Variants in LRRC7 observed in about 807,000 individuals in gnomAD.
LRRC7 encodes the protein leucine rich repeat containing 7, also known as leucine-rich repeat-containing protein 7.
LRRC7 carries 23 observed loss-of-function variants against 175.7 expected under a neutral mutation model. That is an observed-to-expected ratio of 0.13 (90% CI 0.09 to 0.19). The LOEUF is 0.19. LRRC7 is among the 10% of genes least tolerant of loss of function. The pLI is 1.00. For missense variants in LRRC7, 1,354 were observed against 1,904.7 expected, an observed-to-expected ratio of 0.71 and a Z score of 5.38; for synonymous variants, 685 against 680.9, an observed-to-expected ratio of 1.01 and a Z score of -0.09.
chr1:69,996,693 A>G (rs1367458547), intron 11 of LRRC7, among the ~76,000 whole-genome samples: 1 of 152,098 alleles, frequency 6.6e-6, no homozygotes. Context: ...AGGTTTGTCA[A>G]AGATCAGATA....
chr1:69,614,124 T>C (rs1304461468), intron 1 of LRRC7, among the ~76,000 whole-genome samples: 2 of 152,070 alleles, frequency 1.3e-5, no homozygotes, highest in Non-Finnish European at 2.9e-5. Flanking sequence ...TTTCATTTCA[T>C]GTTCATTAAG....
At chr1:69,955,892 C>T (rs1650440171) in intron 8 of LRRC7, among the ~76,000 whole-genome samples, 1 of 151,870 alleles carries the variant, frequency 6.6e-6, no homozygotes, top group African/African-American at 2.4e-5. Flanking sequence ...ACAAAATCAA[C>T]ACAGTATCAT....
chr1:69,923,009 T>C (rs1646940832), intron 7 of LRRC7, among the ~76,000 whole-genome samples: 1 of 152,004 alleles, frequency 6.6e-6, no homozygotes, highest in African/African-American at 2.4e-5. Flanking sequence ...GATGTTCCCC[T>C]TCCTGTGTCC....
intron 2 of LRRC7, among the ~76,000 whole-genome samples, chr1:69,734,152 C>T (rs1482095690): frequency 6.6e-6 from 1 of 151,720 alleles, no homozygotes; most frequent in African/African-American, 2.4e-5. Context: ...ATTACTAAAG[C>T]AAAACACAGA....
Position 70,071,670 on chromosome 1 carries a change from CT to C in LRRC7, c.4231-4403del, listed in dbSNP as rs139543693. ...TCTGCTTCCAGACATTTTAAGAACT[CT>C]TTTGGATTTAATTTTAGGGAATGAA... On this transcript the variant is annotated intron_variant, in intron 23 of 26. Transcript: ENST00000651989. Among the ~76,000 whole-genome samples, 847 of 152,204 alleles carry C rather than the reference CT, an allele frequency of 5.6e-3. 8 individuals carry two copies. The highest frequency in any genetic ancestry group is 0.019 in the African/African-American group (805 of 41,508).
chr1:69,774,378 T>TA (rs1223425754), intron 3 of LRRC7, among the ~76,000 whole-genome samples: 2 of 151,974 alleles, frequency 1.3e-5, no homozygotes, highest in Non-Finnish European at 2.9e-5. Context: ...AAAAACAAGC[T>TA]AAAAAATGAA....
Position 70,038,422 on chromosome 1 carries a change from C to T in LRRC7, c.2598C>T (p.His866=). ...CCCTGGAACTCGAGCAGTCTACACA[C>T]AGACACACACCAGAAACAGAAGTGC... is the stretch of plus-strand genomic sequence containing the variant. ...GVPLELEQST[H]RHTPETEVPP... Residue 866 remains histidine, a synonymous_variant, in exon 21 of 27, where the codon CAC becomes CAT. Coordinates refer to ENST00000651989, the MANE Select transcript of LRRC7 (RefSeq NM_001370785.2). 1 of 1,614,142 alleles carries T rather than the reference C, an allele frequency of 6.2e-7. No individual in the cohort carries two copies.
intron 1 of LRRC7, among the ~76,000 whole-genome samples, chr1:69,611,108 T>A (rs1323071644): frequency 6.6e-6 from 1 of 152,034 alleles, no homozygotes; most frequent in Non-Finnish European, 1.5e-5. Context: ...AACTTTAAGT[T>A]TCCCACTAAT....
In LRRC7 at chr1:70,142,566, A is replaced by C. The variant is rs1667107195; in HGVS notation, c.*20679A>C. On this transcript the variant is annotated 3_prime_UTR_variant, in exon 27 of 27. Transcript: ENST00000651989. ...TGACATTGTCTTCATATGAAGAAGA[A>C]ATTTTTTACTAGTGGAAAATTAGAA... 1 of 152,106 alleles carries C rather than the reference A, an allele frequency of 6.6e-6. No individual in the cohort carries two copies. Among genetic ancestry groups the C allele is most frequent in the Non-Finnish European group, 1.5e-5 (1 of 67,982 alleles). The allele number at this position is 152,106 out of a possible 1,614,324, so 9.4% of individuals were successfully genotyped here.
rs540629702 is a variant in LRRC7, at chr1:69,943,812, G to A, written c.711+12242G>A. On this transcript the variant is annotated intron_variant, in intron 8 of 26. Coordinates refer to ENST00000651989, the MANE Select transcript of LRRC7 (RefSeq NM_001370785.2). ...GATTTGTTGACAGATCAGATATCAG[G>A]AATAAGAGGGAGAGTAGTTAAGTGT... 1.2e-4 allele frequency among the ~76,000 whole-genome samples: 18 copies of A among 152,020 alleles called. No individual in the cohort carries two copies. In the East Asian group the frequency reaches 2.9e-3, roughly 25 times the overall value.
chr1:69,728,011 G>T (rs1320727186), intron 2 of LRRC7, among the ~76,000 whole-genome samples: 1 of 152,138 alleles, frequency 6.6e-6, no homozygotes, highest in East Asian at 1.9e-4. Context: ...ATTCCCTGCA[G>T]GTGCTTAATT....
In LRRC7 at chr1:69,692,225, A is replaced by G. The variant is rs185329355; in HGVS notation, c.100+13747A>G. Among the ~76,000 whole-genome samples the G allele has an allele frequency of 2.0e-5, 3 of 152,302 alleles. No homozygotes were observed. The East Asian group carries it at 5.8e-4, about 29-fold the overall frequency. On this transcript the variant is annotated intron_variant, in intron 2 of 26. Transcript: ENST00000651989. Reference sequence around the variant, plus strand: ...TGAAGCAGTTCCATCTCAAAGAAAGATGGAGGAAGGTACTGGGCTACTTAT... The same window carrying G: ...TGAAGCAGTTCCATCTCAAAGAAAGGTGGAGGAAGGTACTGGGCTACTTAT...
intron 1 of LRRC7, among the ~76,000 whole-genome samples, chr1:69,612,024 T>C (rs1241858961): frequency 6.6e-6 from 1 of 152,082 alleles, no homozygotes; most frequent in African/African-American, 2.4e-5. Flanking sequence ...AAGCTATGCA[T>C]ATTGAGGATC....
chr1:69,715,364 A>C (rs1025339415), intron 2 of LRRC7, among the ~76,000 whole-genome samples: 1 of 152,170 alleles, frequency 6.6e-6, no homozygotes, highest in African/African-American at 2.4e-5. Context: ...CTCTATATTG[A>C]GTATTCAAAT....
chr1:69,770,301 A>T (rs1436458890), intron 3 of LRRC7, among the ~76,000 whole-genome samples: 2 of 152,228 alleles, frequency 1.3e-5, no homozygotes, highest in Non-Finnish European at 2.9e-5. Flanking sequence ...GCTTCGTTTC[A>T]TTCACTGATA....
intron 8 of LRRC7, among the ~76,000 whole-genome samples, chr1:69,934,623 A>G (rs999553410): frequency 6.6e-6 from 1 of 152,204 alleles, no homozygotes; most frequent in South Asian, 2.1e-4. Context: ...AGTAAGGATC[A>G]TTCATGATCT....
At chr1:69,976,035 A>G (rs1570878487) in intron 8 of LRRC7, among the ~76,000 whole-genome samples, 1 of 152,060 alleles carries the variant, frequency 6.6e-6, no homozygotes, top group African/African-American at 2.4e-5. Flanking sequence ...CAGGCTTTAC[A>G]AATAATATTC....
chr1:69,926,012 G>T (rs369458729), intron 7 of LRRC7, among the ~76,000 whole-genome samples: 2 of 151,514 alleles, frequency 1.3e-5, no homozygotes, highest in Admixed American at 1.3e-4. Flanking sequence ...CTTTGTTCTC[G>T]TTAGTTTCAA....
chr1:69,930,611 C>G (rs974218233), intron 7 of LRRC7, among the ~76,000 whole-genome samples: 2 of 152,174 alleles, frequency 1.3e-5, no homozygotes, highest in African/African-American at 4.8e-5. Flanking sequence ...TTGACATCAA[C>G]TCTTGCCCAA....
Sources: gnomAD v4.1 joint callset for allele counts (sites outside exome capture counted in the v4.1 genomes callset) on GRCh38, gnomAD v4.1.1 for gene constraint, MANE v1.5 for transcripts, NCBI Gene and HGNC (gene_info 2026-07-23, HGNC 2026-07-21) for gene names.